The following ADAMTS18 variants were observed in gnomAD, a reference collection of about 807,000 sequenced individuals.
ADAMTS18 encodes the protein ADAM metallopeptidase with thrombospondin type 1 motif 18.
Under a neutral mutation model 165.9 loss-of-function variants are expected in ADAMTS18, and 157 were observed. The observed-to-expected ratio is 0.95, with a 90% CI of 0.83 to 1.08. The LOEUF is 1.08. ADAMTS18 is among the 50% of genes least tolerant of loss of function. ADAMTS18 has a pLI of 0.00. For synonymous variants in ADAMTS18, 782 were observed against 578.2 expected (o/e 1.35, Z -5.06); for missense variants, 2,040 against 1,534.0 (o/e 1.33, Z -5.51).
intron 12 of ADAMTS18, among the ~76,000 whole-genome samples, chr16:77,331,316 T>C (rs1408782873): frequency 6.6e-6 from 1 of 152,086 alleles, no homozygotes; most frequent in Admixed American, 6.6e-5. Context: ...AATATTGAGA[T>C]TGTAAAATGT....
rs938276750 is a variant in ADAMTS18, at chr16:77,434,835, G to T, written c.-140C>A. Reference sequence around the variant, plus strand: ...GAGAGCCGCCGCCGTTCACATCGCAGCGGGGGCGCGCTGGGACCTCCCCTC... The same window carrying T: ...GAGAGCCGCCGCCGTTCACATCGCATCGGGGGCGCGCTGGGACCTCCCCTC... On this transcript the variant is annotated 5_prime_UTR_variant, in exon 1 of 23. In the 5' UTR this introduces an upstream ATG that the reference lacks. Coordinates refer to ENST00000282849, the MANE Select transcript of ADAMTS18 (RefSeq NM_199355.4). The T allele has an allele frequency of 2.5e-5, 16 of 652,464 alleles. No individual in the cohort carries two copies. The highest frequency in any genetic ancestry group is 3.3e-5 in the Non-Finnish European group (15 of 454,176). The allele number at this position is 652,464 out of a possible 1,614,324, so 40.4% of individuals were successfully genotyped here.
At chr16:77,433,241 TC>T (rs2057759908) in intron 2 of ADAMTS18, 1 of 152,224 alleles carries the variant, frequency 6.6e-6, no homozygotes, top group Non-Finnish European at 1.5e-5. Context: ...TGTCTCACCT[TC>T]TTGTCCCAAA....
intron 3 of ADAMTS18, among the ~76,000 whole-genome samples, chr16:77,411,680 T>G (rs1300092881): frequency 7.8e-6 from 1 of 128,510 alleles, no homozygotes; most frequent in Non-Finnish European, 1.7e-5. Flanking sequence ...ATCCAGAATT[T>G]TTTTTTTTTT....
At chr16:77,345,333 T>C (rs1209473007) in intron 10 of ADAMTS18, among the ~76,000 whole-genome samples, 1 of 152,226 alleles carries the variant, frequency 6.6e-6, no homozygotes, top group African/African-American at 2.4e-5. Context: ...GACACCTCTA[T>C]ATTCCCATTG....
At chr16:77,374,568 AG>A (rs2056922867) in intron 3 of ADAMTS18, among the ~76,000 whole-genome samples, 1 of 152,168 alleles carries the variant, frequency 6.6e-6, no homozygotes, top group Admixed American at 6.5e-5. Context: ...AGGAAAAAAA[AG>A]TGAATTATCC....
intron 3 of ADAMTS18, among the ~76,000 whole-genome samples, chr16:77,396,595 G>A (rs1342760486): frequency 6.6e-6 from 1 of 152,158 alleles, no homozygotes; most frequent in Non-Finnish European, 1.5e-5. Context: ...AAATGTTGAA[G>A]CTGGTCAAGA....
chr16:77,326,421 T>TCCAACA (rs78210040), intron 12 of ADAMTS18, among the ~76,000 whole-genome samples: 40,518 of 151,834 alleles, frequency 0.27, 6,192 homozygotes, highest in East Asian at 0.61. Context: ...CTCACACTGT[T>TCCAACA]GCCCAGTCTG....
intron 4 of ADAMTS18, among the ~76,000 whole-genome samples, chr16:77,365,941 T>C (rs2056787050): frequency 6.6e-6 from 1 of 152,232 alleles, no homozygotes; most frequent in African/African-American, 2.4e-5. Context: ...AAAGATTTGC[T>C]TTGATGTCTC....
rs577232598 is a variant in ADAMTS18 at position 77,285,764 on chromosome 16, C to G, written c.3551-1693G>C. Among the ~76,000 whole-genome samples, 11 of 152,276 alleles carry G rather than the reference C, an allele frequency of 7.2e-5. 1 individual carries two copies. In the East Asian group the frequency reaches 1.9e-3, roughly 27 times the overall value. ...ATTGAAGATGACCTTGGAATCATTT[C>G]TTTGCTTCACGTTCTCCATGCAATC... On this transcript the variant is annotated intron_variant, in intron 22 of 22. Coordinates refer to ENST00000282849, the MANE Select transcript of ADAMTS18 (RefSeq NM_199355.4).
chr16:77,326,984 A>G (rs2056105973), intron 12 of ADAMTS18, among the ~76,000 whole-genome samples: 1 of 152,186 alleles, frequency 6.6e-6, no homozygotes, highest in African/African-American at 2.4e-5. Flanking sequence ...GGCTTACAAG[A>G]ATGACCTCCA....
chr16:77,319,356 C>T (rs1239215495), intron 16 of ADAMTS18, among the ~76,000 whole-genome samples: 1 of 152,188 alleles, frequency 6.6e-6, no homozygotes, highest in Non-Finnish European at 1.5e-5. Context: ...CTCTTGGAGG[C>T]CATTTGGGTT....
At chr16:77,342,422 C>G (rs1423509132) in intron 10 of ADAMTS18, among the ~76,000 whole-genome samples, 1 of 151,590 alleles carries the variant, frequency 6.6e-6, no homozygotes, top group Non-Finnish European at 1.5e-5. Context: ...TATGTGCTTA[C>G]CTGAAGCATT....
intron 13 of ADAMTS18, 137 bp downstream of exon 13, chr16:77,325,729 C>A: frequency 1.1e-5 from 9 of 829,428 alleles, no homozygotes; most frequent in East Asian, 8.6e-5. Flanking sequence ...TGGAATGAAA[C>A]ACTGAGCCAG....
At chr16:77,298,992 G>A (rs1368964710) in intron 17 of ADAMTS18, among the ~76,000 whole-genome samples, 2 of 152,242 alleles carry the variant, frequency 1.3e-5, no homozygotes, top group African/African-American at 4.8e-5. Flanking sequence ...GCTGGATTTA[G>A]ATTCTGTAAG....
At chr16:77,295,940 C>G (rs987771724) in intron 18 of ADAMTS18, among the ~76,000 whole-genome samples, 3 of 151,704 alleles carry the variant, frequency 2.0e-5, no homozygotes, top group African/African-American at 7.3e-5. Context: ...GCCTCCCAGG[C>G]TCAAGTGATT....
At chr16:77,418,102 G>A (rs576520690) in intron 3 of ADAMTS18, among the ~76,000 whole-genome samples, 1 of 152,250 alleles carries the variant, frequency 6.6e-6, no homozygotes, top group Non-Finnish European at 1.5e-5. Flanking sequence ...AGTCTGGGTT[G>A]TCATGCTGTG....
At chr16:77,354,449 T>C (rs933141461) in intron 9 of ADAMTS18, among the ~76,000 whole-genome samples, 12 of 151,650 alleles carry the variant, frequency 7.9e-5, no homozygotes, top group African/African-American at 2.7e-4. Context: ...GGCAGAAAAA[T>C]TTCCTTCAGA....
chr16:77,361,726 A>G (rs1220102253), intron 7 of ADAMTS18, among the ~76,000 whole-genome samples: 1 of 152,188 alleles, frequency 6.6e-6, no homozygotes, highest in Non-Finnish European at 1.5e-5. Flanking sequence ...TCTACTAAAA[A>G]TACAAAAATT....
At chr16:77,300,479 T>C in intron 16 of ADAMTS18, 75 bp from the exon 17 acceptor site, 1 of 1,514,334 alleles carries the variant, frequency 6.6e-7, no homozygotes, top group East Asian at 2.3e-5. Context: ...TTACTGAACA[T>C]TTTAAAGATA....
Sources: gnomAD v4.1 joint callset for allele counts (sites outside exome capture counted in the v4.1 genomes callset) on GRCh38, gnomAD v4.1.1 for gene constraint, MANE v1.5 for transcripts, NCBI Gene and HGNC (gene_info 2026-07-23, HGNC 2026-07-21) for gene names.